CPT1C: variants seen among roughly 807,000 people sequenced by gnomAD.
CPT1C encodes carnitine palmitoyltransferase 1C.
Under a neutral mutation model 97.3 loss-of-function variants are expected in CPT1C, and 61 were observed. That is an observed-to-expected ratio of 0.63 (90% CI 0.51 to 0.78). The LOEUF (loss-of-function observed/expected upper bound fraction) is 0.78. Ranked by LOEUF, CPT1C falls within the 30% of genes least tolerant of loss-of-function variation. The pLI is 0.00. For synonymous variants in CPT1C, 469 were observed against 447.2 expected (o/e 1.05, Z -0.61); for missense variants, 975 against 1,065.5 (o/e 0.92, Z 1.18).
rs763102743 is a variant in CPT1C, at chr19:49,712,964, G to A, written c.2134-8G>A. ...CTATTTTCTTCCCTTCACTCTTTCCGTCTCCAGGCTGATGACCATGGTTAT... is the reference window on the plus strand; with the variant it reads ...CTATTTTCTTCCCTTCACTCTTTCCATCTCCAGGCTGATGACCATGGTTAT... On this transcript the variant is annotated splice_polypyrimidine_tract_variant and splice_region_variant and intron_variant, in intron 18 of 19. Coordinates refer to ENST00000598293, the MANE Select transcript of CPT1C (RefSeq NM_001199753.2). 85 of 1,613,178 alleles carry A rather than the reference G, an allele frequency of 5.3e-5. No homozygotes were observed. The highest frequency in any genetic ancestry group is 7.0e-5 in the Non-Finnish European group (83 of 1,179,214).
At position 49,712,814 on chromosome 19, in the gene CPT1C, C is replaced by G. The variant is rs747438344; in HGVS notation, c.2098C>G (p.Pro700Ala). 1.2e-6 allele frequency: 2 copies of G among 1,613,748 alleles called. No individual in the cohort carries two copies. The highest frequency in any genetic ancestry group is 2.7e-5 in the African/African-American group (2 of 74,794). ...GCATCTGTTTGACGTCCACAATTAC[C>G]CGGACTATGTTTCCTCAGGCGGTGG... ...QMHLFDVHNY[P>A]DYVSSGGGFG... The change falls in exon 18 of 20, where the codon CCG becomes GCG. Residue 700 changes from proline (P) to alanine (A), a missense_variant. By Grantham distance (27) the Pro-to-Ala change is conservative. Coordinates refer to ENST00000598293, the MANE Select transcript of CPT1C (RefSeq NM_001199753.2).
At position 49,708,737 on chromosome 19, in the gene CPT1C, A is replaced by G. The variant is rs2083659703; in HGVS notation, c.1464A>G (p.Thr488=). Reference sequence around the variant, plus strand: ...TTTGCCCACAGTTCACTCTGGCTACAGAATGCTTTCAGCTGGGCTACTCAA... The same window carrying G: ...TTTGCCCACAGTTCACTCTGGCTACGGAATGCTTTCAGCTGGGCTACTCAA... ...SGHMWEFTLA[T]ECFQLGYSTD... is the part of the protein sequence containing the mutation. Residue 488 remains threonine, a synonymous_variant, in exon 14 of 20, where the codon ACA becomes ACG. Transcript: ENST00000598293. 2.5e-6 allele frequency: 4 copies of G among 1,613,796 alleles called. No homozygotes were observed. The East Asian group carries it at 6.7e-5, about 27-fold the overall frequency.
At chr19:49,693,894 TAA>T (rs1274014062) in intron 3 of CPT1C, among the ~76,000 whole-genome samples, 1 of 151,976 alleles carries the variant, frequency 6.6e-6, no homozygotes, top group Non-Finnish European at 1.5e-5. Flanking sequence ...CCGTTTCTAC[TAA>T]AAATACACAC....
chr19:49,700,307 G>A (rs185808315), intron 4 of CPT1C, among the ~76,000 whole-genome samples: 64 of 151,760 alleles, frequency 4.2e-4, no homozygotes, highest in South Asian at 1.7e-3. Flanking sequence ...GAGAGATTCT[G>A]GCTTGTTAGG....
In CPT1C at chr19:49,712,958, C is replaced by T; in HGVS notation, c.2134-14C>T. 2 of 1,612,206 alleles carry T rather than the reference C, an allele frequency of 1.2e-6. No homozygotes were observed. ...CCGGAGCTATTTTCTTCCCTTCACT[C>T]TTTCCGTCTCCAGGCTGATGACCAT... On this transcript the variant is annotated splice_polypyrimidine_tract_variant and intron_variant, in intron 18 of 19. Transcript: ENST00000598293.
chr19:49,704,149 T>C (rs143342927), intron 7 of CPT1C, among the ~76,000 whole-genome samples: 9 of 152,376 alleles, frequency 5.9e-5, no homozygotes, highest in African/African-American at 2.2e-4. Flanking sequence ...TTTATTGTTT[T>C]ATAAATTTTA....
chr19:49,708,686 G>A, intron 13 of CPT1C, 37 bp from the exon 14 acceptor site: 1 of 1,490,322 alleles, frequency 6.7e-7, no homozygotes, highest in Non-Finnish European at 9.4e-7. Context: ...CAGTCCACAG[G>A]GAGGAAGGGA....
intron 13 of CPT1C, among the ~76,000 whole-genome samples, 192 bp from the exon 14 acceptor site, chr19:49,708,531 A>G (rs181947170): frequency 6.6e-6 from 1 of 152,192 alleles, no homozygotes; most frequent in Admixed American, 6.5e-5. Flanking sequence ...GACAGTAAAC[A>G]CCAGTTGAGT....
At chr19:49,712,680 C>T in intron 17 of CPT1C, 56 bp from the exon 18 acceptor site, 1 of 1,332,166 alleles carries the variant, frequency 7.5e-7, no homozygotes, top group South Asian at 1.2e-5. Context: ...GAAGTGGAGC[C>T]AAGGGCCGGA....
rs139309273 is a variant in CPT1C, at chr19:49,703,121, TTCCCTCCC to T, written c.693+1499_693+1506del. Among the ~76,000 whole-genome samples, 5 of 143,838 alleles carry T rather than the reference TTCCCTCCC, an allele frequency of 3.5e-5. No individual in the cohort carries two copies. The East Asian group carries it at 1.0e-3, about 30-fold the overall frequency. The allele number at this position is 143,838 out of a possible 152,430, so 94.4% of individuals were successfully genotyped here. ...CACACTCATTTCTTTCTTCCCTTCC[TTCCCTCCC>T]TCCCTCCCTCCTTTCCTACCTTCTT... is the stretch of plus-strand genomic sequence containing the variant. On this transcript the variant is annotated intron_variant, in intron 7 of 19. Transcript: ENST00000598293.
chr19:49,706,608 A>G lies in CPT1C; in HGVS notation c.1343+195A>G, dbSNP rs143137118. Among the ~76,000 whole-genome samples the G allele has an allele frequency of 4.7e-4, 72 of 152,032 alleles. No homozygotes were observed. Among genetic ancestry groups the G allele is most frequent in the Middle Eastern group, 6.8e-3 (2 of 294 alleles). On this transcript the variant is annotated intron_variant, in intron 12 of 19. Transcript: ENST00000598293. This position sits in a 1 kb window ranked among gnomAD's most constrained non-coding sequence, Gnocchi z 4.8. ...GACCTCTGACCTGGGGAACCCCTCA[A>G]CCTGGGACCCAAGACCTATAAACCA...
chr19:49,698,685 C>A (rs2123210620), intron 4 of CPT1C, among the ~76,000 whole-genome samples: 1 of 151,392 alleles, frequency 6.6e-6, no homozygotes, highest in Admixed American at 6.6e-5. Context: ...AAAGTATGAG[C>A]TTTGCCCGTC....
At chr19:49,710,674 A>G (rs1246618733) in intron 15 of CPT1C, 49 bp from the exon 16 acceptor site, 1 of 1,594,482 alleles carries the variant, frequency 6.3e-7, no homozygotes, top group East Asian at 2.2e-5. Flanking sequence ...AGTCTGTAAG[A>G]TCTCCTGAGC....
chr19:49,699,426 C>G (rs947483647), intron 4 of CPT1C, among the ~76,000 whole-genome samples: 7 of 116,694 alleles, frequency 6.0e-5, no homozygotes, highest in Non-Finnish European at 1.1e-4. Flanking sequence ...GAGTTGGAGA[C>G]CAGCCTGGGC....
At chr19:49,711,260 A>ATTTTTTTTTT (rs34561432) in intron 16 of CPT1C, 1 of 135,342 alleles carries the variant, frequency 7.4e-6, no homozygotes. Context: ...TGCCCAGCTA[A>ATTTTTTTTTT]TTTTTTTTTT....
At chr19:49,702,501 T>C (rs2083230782) in intron 7 of CPT1C, among the ~76,000 whole-genome samples, 1 of 151,158 alleles carries the variant, frequency 6.6e-6, no homozygotes, top group Admixed American at 6.6e-5. Flanking sequence ...ACGCCTATAA[T>C]CCCAGCTACT....
intron 7 of CPT1C, among the ~76,000 whole-genome samples, chr19:49,703,787 T>C (rs12977128): frequency 0.12 from 18,550 of 151,542 alleles, 1,364 homozygotes; most frequent in Non-Finnish European, 0.17. Flanking sequence ...CATGTGCCCC[T>C]AAGCCTGGCT....
intron 4 of CPT1C, among the ~76,000 whole-genome samples, chr19:49,698,936 C>A (rs1215096021): frequency 6.6e-6 from 1 of 151,900 alleles, no homozygotes; most frequent in African/African-American, 2.4e-5. Context: ...AACTCTGTCT[C>A]TACTAAAAAT....
rs766479674 is a variant in CPT1C at position 49,700,696 on chromosome 19, C to T, written c.294C>T (p.His98=). ...TCTCTCCCCGCAGGGGTGGACAACA[C>T]CACGGGCTCCGGGGGGTCCTGGCAG... ...KELLPDWGGQ[H]HGLRGVLAAA... is the part of the protein sequence containing the mutation. Residue 98 remains histidine, a synonymous_variant, in exon 5 of 20, where the codon CAC becomes CAT. Transcript: ENST00000598293. 1.1e-5 allele frequency: 18 copies of T among 1,609,166 alleles called. 1 individual carries two copies. The highest frequency in any genetic ancestry group is 3.3e-4 in the Middle Eastern group (2 of 6,018).
Sources: gnomAD v4.1 joint callset for allele counts (sites outside exome capture counted in the v4.1 genomes callset) on GRCh38, gnomAD v4.1.1 for gene constraint, Gnocchi (gnomAD v3.1) non-coding constraint, MANE v1.5 for transcripts, NCBI Gene and HGNC (gene_info 2026-07-23, HGNC 2026-07-21) for gene names.